The following ASXL2 variants were observed in gnomAD, a reference collection of about 807,000 sequenced individuals.
ASXL2 encodes ASXL transcriptional regulator 2.
In ASXL2, 23 loss-of-function variants were observed where a neutral mutation model predicts 122.0. The ratio of observed to expected loss-of-function variants is 0.19; its 90% confidence interval spans 0.14 to 0.27. The LOEUF is 0.27. ASXL2 is among the 10% of genes least tolerant of loss of function. The pLI, the probability that ASXL2 is intolerant of heterozygous loss-of-function variation, is 1.00. For missense variants in ASXL2, 1,518 were observed against 1,713.8 expected (o/e 0.89, Z 2.02); for synonymous variants, 650 against 637.0 (o/e 1.02, Z -0.31).
chr2:25,764,644 T>C (rs1211787700), intron 8 of ASXL2, among the ~76,000 whole-genome samples: 2 of 152,154 alleles, frequency 1.3e-5, no homozygotes, highest in African/African-American at 4.8e-5. Context: ...ATAAACAATG[T>C]TTGTATTAAT....
chr2:25,780,941 TGAG>T (rs1236189862), intron 5 of ASXL2, among the ~76,000 whole-genome samples: 1 of 150,598 alleles, frequency 6.6e-6, no homozygotes, highest in African/African-American at 2.4e-5. Flanking sequence ...CAAAATAGCC[TGAG>T]GTGGTGGCGG....
chr2:25,838,045 G>T (rs1048979659), intron 2 of ASXL2, among the ~76,000 whole-genome samples: 3 of 151,912 alleles, frequency 2.0e-5, no homozygotes, highest in African/African-American at 7.3e-5. Context: ...GCTGCGGTGA[G>T]CCATGATCGT....
chr2:25,804,103 G>A (rs1012949935), intron 4 of ASXL2, among the ~76,000 whole-genome samples: 1 of 152,136 alleles, frequency 6.6e-6, no homozygotes, highest in African/African-American at 2.4e-5. Flanking sequence ...TGTGAGAATA[G>A]AGCCCTGTAA....
chr2:25,806,679 C>G (rs1453471642), intron 3 of ASXL2, among the ~76,000 whole-genome samples: 1 of 152,092 alleles, frequency 6.6e-6, no homozygotes, highest in Non-Finnish European at 1.5e-5. Flanking sequence ...AAAAAGAACA[C>G]AAACACACAC....
rs1326137197 is a variant in ASXL2 at position 25,742,983 on chromosome 2, A to C, written c.3354T>G (p.Pro1118=). ...LGFAGRRTSK[P]AMAGHYLLNI... ...TCAGTAAGTAGTGCCCTGCCATTGCAGGTTTGGATGTCCTTCTGCCAGCAA... is the reference window on the plus strand; with the variant it reads ...TCAGTAAGTAGTGCCCTGCCATTGCCGGTTTGGATGTCCTTCTGCCAGCAA... Residue 1118 remains proline (P), a synonymous_variant, in exon 13 of 13, where the codon CCT becomes CCG. Coordinates refer to ENST00000435504, the MANE Select transcript of ASXL2 (RefSeq NM_018263.6). The C allele has an allele frequency of 6.2e-7, 1 of 1,613,908 alleles. No individual in the cohort carries two copies. The highest frequency in any genetic ancestry group is 1.7e-5 in the Admixed American group (1 of 60,010).
intron 8 of ASXL2, among the ~76,000 whole-genome samples, chr2:25,762,665 GAAAAAAA>G (rs60065368): frequency 7.9e-4 from 27 of 34,256 alleles, no homozygotes; most frequent in African/African-American, 2.8e-3. Flanking sequence ...ACTCTTTCTC[GAAAAAAA>G]AAAAAAAAAA....
intron 3 of ASXL2, among the ~76,000 whole-genome samples, chr2:25,824,504 G>C (rs1361599944): frequency 2.6e-5 from 4 of 151,698 alleles, no homozygotes; most frequent in Non-Finnish European, 5.9e-5. Flanking sequence ...CACACAATTT[G>C]CCTCCAGAAA....
chr2:25,792,732 A>T (rs1395515360), intron 5 of ASXL2, among the ~76,000 whole-genome samples: 1 of 151,510 alleles, frequency 6.6e-6, no homozygotes, highest in Non-Finnish European at 1.5e-5. Context: ...CAGCCTCCCG[A>T]GTAGCTGGGA....
intron 9 of ASXL2, 117 bp from the exon 10 acceptor site, chr2:25,756,231 T>C (rs1257957505): frequency 2.4e-5 from 11 of 462,894 alleles, no homozygotes; most frequent in Non-Finnish European, 4.0e-5. Context: ...AATAGAAATA[T>C]AACTATCTCA....
rs757702270 is a variant in ASXL2, at chr2:25,749,878, C to T, written c.1678G>A (p.Asp560Asn). 6.2e-7 allele frequency: 1 copy of T among 1,611,180 alleles called. No individual in the cohort carries two copies. The highest frequency in any genetic ancestry group is 1.1e-5 in the South Asian group (1 of 90,514). Residue 560 changes from aspartate (D) to asparagine (N), a missense_variant, in exon 12 of 13, where the codon GAT (aspartate) becomes AAT (asparagine). Coordinates refer to ENST00000435504, the MANE Select transcript of ASXL2 (RefSeq NM_018263.6). ...CTCTTGAGGCTTTCTGGGCTCTGATCAACAAGAGTTGCTAGAGGTTCTTTC... is the reference window on the plus strand; with the variant it reads ...CTCTTGAGGCTTTCTGGGCTCTGATTAACAAGAGTTGCTAGAGGTTCTTTC... Reference protein sequence around the residue: ...NMKEPLATLVDQSPESLKRKS... With the variant: ...NMKEPLATLVNQSPESLKRKS...
chr2:25,877,204 C>T (rs2090016706), intron 1 of ASXL2, among the ~76,000 whole-genome samples: 1 of 152,186 alleles, frequency 6.6e-6, no homozygotes, highest in Non-Finnish European at 1.5e-5. Flanking sequence ...GAACACCTCT[C>T]ACTTTCCACT....
intron 8 of ASXL2, among the ~76,000 whole-genome samples, chr2:25,765,222 A>T (rs926767622): frequency 2.0e-5 from 3 of 152,140 alleles, no homozygotes; most frequent in Admixed American, 1.3e-4. Context: ...GCGGTGGCTC[A>T]TGCCTGTAAT....
At chr2:25,806,368 A>G (rs1238767769) in intron 3 of ASXL2, 31 bp from the exon 4 acceptor site, 1 of 1,455,520 alleles carries the variant, frequency 6.9e-7, no homozygotes, top group Non-Finnish European at 9.6e-7. Context: ...GTGATAAGGA[A>G]CACAACAATT....
intron 1 of ASXL2, among the ~76,000 whole-genome samples, chr2:25,851,205 T>G (rs776029390): frequency 1.1e-4 from 17 of 152,116 alleles, no homozygotes; most frequent in Non-Finnish European, 1.0e-4. Context: ...TTTTTGTATT[T>G]ACTGTTTTCA....
At chr2:25,837,202 T>C (rs1313581685) in intron 2 of ASXL2, among the ~76,000 whole-genome samples, 1 of 151,924 alleles carries the variant, frequency 6.6e-6, no homozygotes, top group Non-Finnish European at 1.5e-5. Flanking sequence ...CCACAGCTGA[T>C]GGAAGGGAAA....
chr2:25,819,200 C>T (rs535636331), intron 3 of ASXL2, among the ~76,000 whole-genome samples: 8 of 152,120 alleles, frequency 5.3e-5, no homozygotes, highest in South Asian at 2.1e-4. Flanking sequence ...GCTGCATTGC[C>T]GAGGATCAGG....
Position 25,742,882 on chromosome 2 carries a change from A to G in ASXL2, c.3455T>C (p.Leu1152Pro). ...TTTCAAGGCTTCAGTGGGGCTGCTTAGACAAAAACGATCTTCAGGGTTTAC... is the reference window on the plus strand; with the variant it reads ...TTTCAAGGCTTCAGTGGGGCTGCTTGGACAAAAACGATCTTCAGGGTTTAC... Reference protein sequence around the residue: ...HSVNPEDRFCLSSPTEALKMG... With the variant: ...HSVNPEDRFCPSSPTEALKMG... Residue 1152 changes from leucine to proline, a missense_variant, in exon 13 of 13, where the codon CTA (leucine) becomes CCA (proline). Coordinates refer to ENST00000435504, the MANE Select transcript of ASXL2 (RefSeq NM_018263.6). The G allele has an allele frequency of 6.2e-7, 1 of 1,613,980 alleles. No homozygotes were observed. The highest frequency in any genetic ancestry group is 8.5e-7 in the Non-Finnish European group (1 of 1,179,892).
chr2:25,781,059 C>CAAAAA (rs56394505), intron 5 of ASXL2, among the ~76,000 whole-genome samples: 1 of 109,884 alleles, frequency 9.1e-6, no homozygotes, highest in African/African-American at 3.6e-5. Context: ...ACTCCATCTC[C>CAAAAA]AAAAAAAAAA....
chr2:25,822,422 G>A, intron 3 of ASXL2: 2 of 319,656 alleles, frequency 6.3e-6, no homozygotes, highest in Non-Finnish European at 5.9e-6. Context: ...AGCAGTCGAC[G>A]CCAGAGGGCC....
Sources: allele counts gnomAD v4.1 joint callset (sites outside exome capture counted in the v4.1 genomes callset), GRCh38; gene constraint gnomAD v4.1.1; transcripts MANE v1.5; gene names NCBI Gene and HGNC (gene_info 2026-07-23, HGNC 2026-07-21).